The following ZNF25 variants were observed in gnomAD, a reference collection of about 807,000 sequenced individuals.
ZNF25 encodes zinc finger protein 25.
Under a neutral mutation model 30.9 loss-of-function variants are expected in ZNF25, and 21 were observed. That is an observed-to-expected ratio of 0.68 (90% CI 0.48 to 0.98). ZNF25 has a LOEUF of 0.98. Ranked by LOEUF, ZNF25 falls within the 50% of genes least tolerant of loss-of-function variation. The probability of loss-of-function intolerance (pLI) is 0.00; values close to 1 mark genes in which losing one functional copy is unlikely to be tolerated. For synonymous variants in ZNF25, 169 were observed against 181.3 expected, an observed-to-expected ratio of 0.93 and a Z score of 0.55; for missense variants, 501 against 529.9, an observed-to-expected ratio of 0.95 and a Z score of 0.54.
chr10:37,976,349 A>G (rs2063813985), intron 1 of ZNF25, among the ~76,000 whole-genome samples, 157 bp downstream of exon 1: 2 of 152,176 alleles, frequency 1.3e-5, no homozygotes. Context: ...CGCAAACGCC[A>G]TTCCGGGCAG....
rs750537339 is a variant in ZNF25, at chr10:37,952,725, T to C, written c.773A>G (p.Tyr258Cys). Residue 258 changes from tyrosine to cysteine, a missense_variant, in exon 6 of 6, where the codon TAT becomes TGT. Coordinates refer to ENST00000302609, the MANE Select transcript of ZNF25 (RefSeq NM_145011.4). ...GGCTTTCCCACACTCCTTACACTCA[T>C]AGGGTTTCTCCCCTGTGTGTGTTTT... is the stretch of plus-strand genomic sequence containing the variant. ...HQKTHTGEKPYECKECGKAFS... is the reference protein window; with the variant it reads ...HQKTHTGEKPCECKECGKAFS... The C allele has an allele frequency of 7.4e-6, 12 of 1,613,450 alleles. 1 individual carries two copies. Among genetic ancestry groups the C allele is most frequent in the South Asian group, 3.3e-5 (3 of 91,042 alleles).
At chr10:37,975,091 G>T (rs113573450) in intron 1 of ZNF25, among the ~76,000 whole-genome samples, 1 of 152,162 alleles carries the variant, frequency 6.6e-6, no homozygotes, top group African/African-American at 2.4e-5. Flanking sequence ...TAGAATGATG[G>T]TTACCAGAGG....
At position 37,965,767 on chromosome 10, in the gene ZNF25, T is replaced by C. The variant is rs547409124; in HGVS notation, c.15+5941A>G. On this transcript the variant is annotated intron_variant, in intron 2 of 5. Transcript: ENST00000302609. ...TGGTATTGTGATATTTTTTAAATTA[T>C]GTCTCCTCTGTTTGCTTCCTATAGG... Among the ~76,000 whole-genome samples the C allele has an allele frequency of 6.6e-5, 10 of 152,328 alleles. 1 individual carries two copies. In the South Asian group the frequency reaches 1.9e-3, roughly 28 times the overall value.
In ZNF25 at chr10:37,964,393, G is replaced by A. The variant is rs577756684; in HGVS notation, c.16-6847C>T. On this transcript the variant is annotated intron_variant, in intron 2 of 5. Transcript: ENST00000302609. ...GGAATGTTTGAAACTTCTAAGAGAC[G>A]GATTAAATGGTCGTGACCAAAATGC... Among the ~76,000 whole-genome samples, 7 of 152,252 alleles carry A rather than the reference G, an allele frequency of 4.6e-5. No individual in the cohort carries two copies. The South Asian group carries it at 1.0e-3, about 23-fold the overall frequency.
rs142927627 is a variant in ZNF25 at position 37,971,153 on chromosome 10, A to G, written c.15+555T>C. Among the ~76,000 whole-genome samples, 611 of 152,082 alleles carry G rather than the reference A, an allele frequency of 4.0e-3. 5 individuals carry two copies. The highest frequency in any genetic ancestry group is 0.014 in the African/African-American group (581 of 41,490). ...AACATGGGGAAACCCCTTCTCTACT[A>G]AAAATACAAAAAATTAGCTGGGCAT... is the stretch of plus-strand genomic sequence containing the variant. On this transcript the variant is annotated intron_variant, in intron 2 of 5. Transcript: ENST00000302609.
chr10:37,975,305 T>C (rs2063740725), intron 1 of ZNF25, among the ~76,000 whole-genome samples: 1 of 151,870 alleles, frequency 6.6e-6, no homozygotes, highest in African/African-American at 2.4e-5. Context: ...GTGGATATTG[T>C]AATTACCCCG....
intron 1 of ZNF25, among the ~76,000 whole-genome samples, chr10:37,972,153 C>T (rs1564802085): frequency 2.0e-5 from 3 of 152,142 alleles, no homozygotes; most frequent in South Asian, 2.1e-4. Flanking sequence ...TTTATTGGCA[C>T]ATAAAAGGTA....
intron 2 of ZNF25, among the ~76,000 whole-genome samples, chr10:37,959,679 G>A (rs377567624): frequency 1.1e-4 from 17 of 150,326 alleles, no homozygotes; most frequent in Admixed American, 7.3e-4. Context: ...GTGCAATCTC[G>A]GCTCACTGCA....
chr10:37,953,220 T>A, intron 5 of ZNF25, 25 bp from the exon 6 acceptor site: 2 of 1,544,660 alleles, frequency 1.3e-6, no homozygotes, highest in Non-Finnish European at 1.7e-6. Flanking sequence ...CCACATTCAT[T>A]AATGTGTAAG....
At chr10:37,966,091 T>C (rs1196273728) in intron 2 of ZNF25, among the ~76,000 whole-genome samples, 1 of 152,058 alleles carries the variant, frequency 6.6e-6, no homozygotes, top group African/African-American at 2.4e-5. Flanking sequence ...AAGGCAGTAT[T>C]GGAGGGTATT....
At position 37,957,092 on chromosome 10, in the gene ZNF25, C is replaced by T; in HGVS notation, c.166G>A (p.Ala56Thr). The stretch of plus-strand genomic sequence containing the variant: ...TTTCCTTGCTTCAACTTGAAGACTG[C>T]ATTTGGCTTATTCACATGGTAACCT... ...SVGYHVNKPN[A>T]VFKLKQGKEP... The change falls in exon 4 of 6, where the codon GCA becomes ACA. Residue 56 changes from alanine (A) to threonine (T), a missense_variant. Physicochemically the swap from Ala to Thr is moderately conservative, Grantham distance 58. Coordinates refer to ENST00000302609, the MANE Select transcript of ZNF25 (RefSeq NM_145011.4). The T allele has an allele frequency of 6.2e-7, 1 of 1,614,008 alleles. No individual in the cohort carries two copies. Among genetic ancestry groups the T allele is most frequent in the Non-Finnish European group, 8.5e-7 (1 of 1,179,990 alleles).
At chr10:37,956,454 G>A (rs1011981309) in intron 4 of ZNF25, among the ~76,000 whole-genome samples, 2 of 152,214 alleles carry the variant, frequency 1.3e-5, no homozygotes, top group African/African-American at 4.8e-5. Context: ...CAAGGGTAAG[G>A]AGAGATAAGA....
chr10:37,969,440 G>A (rs2063364765), intron 2 of ZNF25, among the ~76,000 whole-genome samples: 1 of 152,208 alleles, frequency 6.6e-6, no homozygotes, highest in Non-Finnish European at 1.5e-5. Flanking sequence ...GCCATAAAAA[G>A]GAATGATGTA....
At chr10:37,955,062 G>A (rs1461282340) in intron 4 of ZNF25, among the ~76,000 whole-genome samples, 2 of 151,956 alleles carry the variant, frequency 1.3e-5, no homozygotes, top group East Asian at 1.9e-4. Flanking sequence ...GCTGAGGCAG[G>A]AGAATCACTT....
rs182768042 is a variant in ZNF25 at position 37,969,502 on chromosome 10, A to C, written c.15+2206T>G. ...CCTGGAAAACATGCTAAGTAAAAGA[A>C]GGCAGATACAAAAGGTCACCTAATG... On this transcript the variant is annotated intron_variant, in intron 2 of 5. Coordinates refer to ENST00000302609, the MANE Select transcript of ZNF25 (RefSeq NM_145011.4). Among the ~76,000 whole-genome samples, 3 of 152,352 alleles carry C rather than the reference A, an allele frequency of 2.0e-5. No individual in the cohort carries two copies. The East Asian group carries it at 5.8e-4, about 29-fold the overall frequency.
chr10:37,959,142 A>T (rs1239166335), intron 2 of ZNF25, among the ~76,000 whole-genome samples: 1 of 152,234 alleles, frequency 6.6e-6, no homozygotes, highest in Non-Finnish European at 1.5e-5. Context: ...GAAATGTCTT[A>T]TATATCTCTG....
chr10:37,963,637 T>A, intron 2 of ZNF25, among the ~76,000 whole-genome samples: 1 of 152,054 alleles, frequency 6.6e-6, no homozygotes, highest in East Asian at 1.9e-4. Context: ...ATTCCCTTGA[T>A]AATGAGTGAG....
chr10:37,967,044 C>T (rs1395708573), intron 2 of ZNF25, among the ~76,000 whole-genome samples: 2 of 152,120 alleles, frequency 1.3e-5, no homozygotes, highest in Admixed American at 1.3e-4. Context: ...GCTGGCTATA[C>T]TAAGATGAGA....
chr10:37,972,634 T>C (rs1422914661), intron 1 of ZNF25, among the ~76,000 whole-genome samples: 2 of 152,142 alleles, frequency 1.3e-5, no homozygotes, highest in African/African-American at 4.8e-5. Flanking sequence ...TTAATCATCA[T>C]AATTCTCAAA....
Sources: allele counts gnomAD v4.1 joint callset (sites outside exome capture counted in the v4.1 genomes callset), GRCh38; gene constraint gnomAD v4.1.1; transcripts MANE v1.5; gene names NCBI Gene and HGNC (gene_info 2026-07-23, HGNC 2026-07-21).